Variants in ZMYND11 observed in about 807,000 individuals in gnomAD.
ZMYND11 encodes zinc finger MYND domain-containing protein 11.
A neutral mutation model predicts 84.9 loss-of-function variants in ZMYND11; 9 were observed. The ratio of observed to expected loss-of-function variants is 0.11; its 90% CI spans 0.06 to 0.18. The LOEUF is 0.18. ZMYND11 is among the 10% of genes least tolerant of loss of function. The pLI is 1.00. For missense variants in ZMYND11, 409 were observed against 761.0 expected (o/e 0.54, Z 5.44); for synonymous variants, 250 against 244.1 (o/e 1.02, Z -0.23).
rs576236468 is a variant in ZMYND11 at position 204,606 on chromosome 10, T to TA, written c.117-5282dup. Among the ~76,000 whole-genome samples the TA allele has an allele frequency of 2.6e-3, 393 of 152,286 alleles. 3 individuals carry two copies. The highest frequency in any genetic ancestry group is 9.0e-3 in the African/African-American group (376 of 41,582). Reference sequence around the variant, plus strand: ...TAACTAGTCCAGTTATGTTGGTTATTACCTTTGCAGAGTGTTAAGGAAAAG... The same window carrying TA: ...TAACTAGTCCAGTTATGTTGGTTATTAACCTTTGCAGAGTGTTAAGGAAAAG... On this transcript the variant is annotated intron_variant, in intron 2 of 14. Coordinates refer to ENST00000381604, the MANE Select transcript of ZMYND11 (RefSeq NM_001370100.5).
intron 1 of ZMYND11, among the ~76,000 whole-genome samples, chr10:157,085 C>T (rs565746130): frequency 3.2e-4 from 49 of 152,254 alleles, no homozygotes; most frequent in African/African-American, 1.0e-3. Context: ...TGATGCCTAG[C>T]ACTTGGCAAT....
At chr10:205,498 A>T (rs1372573188) in intron 2 of ZMYND11, among the ~76,000 whole-genome samples, 1 of 151,732 alleles carries the variant, frequency 6.6e-6, no homozygotes, top group South Asian at 2.1e-4. Flanking sequence ...GAGACCAGCC[A>T]GGGCAACATA....
chr10:207,391 C>G (rs917489654), intron 2 of ZMYND11, among the ~76,000 whole-genome samples: 1 of 152,144 alleles, frequency 6.6e-6, no homozygotes, highest in African/African-American at 2.4e-5. Flanking sequence ...ATTTCTAGTT[C>G]TAGATCCCTG....
At chr10:197,600 T>G (rs754351222) in intron 2 of ZMYND11, among the ~76,000 whole-genome samples, 2 of 152,200 alleles carry the variant, frequency 1.3e-5, no homozygotes, top group Non-Finnish European at 2.9e-5. Context: ...CCTCAACATT[T>G]TAGTAATGTC....
intron 3 of ZMYND11, among the ~76,000 whole-genome samples, chr10:220,137 A>G (rs1412434264): frequency 6.6e-6 from 1 of 152,172 alleles, no homozygotes; most frequent in Non-Finnish European, 1.5e-5. Context: ...CTGACATCAG[A>G]GAAAACAGTA....
At chr10:185,857 A>AT (rs1938244345) in intron 2 of ZMYND11, among the ~76,000 whole-genome samples, 1 of 151,740 alleles carries the variant, frequency 6.6e-6, no homozygotes, top group South Asian at 2.1e-4. Context: ...GACGGTTGCT[A>AT]AAGGCACAGG....
intron 2 of ZMYND11, among the ~76,000 whole-genome samples, chr10:184,888 A>G (rs778554887): frequency 5.0e-5 from 7 of 141,328 alleles, no homozygotes; most frequent in East Asian, 2.3e-4. Flanking sequence ...GTTTTTCTCC[A>G]TCTTTTCCCC....
intron 14 of ZMYND11, chr10:249,484 G>T (rs1952888719): frequency 1.0e-6 from 1 of 984,750 alleles, no homozygotes; most frequent in Non-Finnish European, 1.2e-6. Flanking sequence ...AATAGTTTCA[G>T]ATTTCCCTGC....
At chr10:192,421 T>C (rs1401105093) in intron 2 of ZMYND11, among the ~76,000 whole-genome samples, 2 of 152,242 alleles carry the variant, frequency 1.3e-5, no homozygotes, top group Non-Finnish European at 2.9e-5. Context: ...AGTTTTTCAT[T>C]GTGCTCCATA....
chr10:210,959 T>G (rs556379931), intron 3 of ZMYND11, among the ~76,000 whole-genome samples: 1 of 151,920 alleles, frequency 6.6e-6, no homozygotes, highest in South Asian at 2.1e-4. Context: ...GCCCAGGAGT[T>G]CAACACTAGC....
At chr10:195,665 T>G (rs1472558730) in intron 2 of ZMYND11, among the ~76,000 whole-genome samples, 1 of 152,130 alleles carries the variant, frequency 6.6e-6, no homozygotes, top group Non-Finnish European at 1.5e-5. Flanking sequence ...TAGGGGCCAA[T>G]AGCGTGAAGA....
chr10:229,857 T>C (rs897491077), intron 4 of ZMYND11, among the ~76,000 whole-genome samples: 2 of 152,192 alleles, frequency 1.3e-5, no homozygotes, highest in African/African-American at 4.8e-5. Flanking sequence ...GTAATTCCTT[T>C]ATATTCCATT....
chr10:148,733 ACAGGGTGCTCAC>A (rs1247207577), intron 1 of ZMYND11: 1 of 152,258 alleles, frequency 6.6e-6, no homozygotes, highest in Non-Finnish European at 1.5e-5. Flanking sequence ...CTGACTGTTG[ACAGGGTGCTCAC>A]CAGGGCCCCA....
At chr10:209,374 C>T (rs1487432359) in intron 2 of ZMYND11, among the ~76,000 whole-genome samples, 3 of 152,270 alleles carry the variant, frequency 2.0e-5, no homozygotes, top group Non-Finnish European at 4.4e-5. Context: ...TCACAACATG[C>T]GTCCATGCTT....
chr10:201,716 G>A (rs149884000), intron 2 of ZMYND11, among the ~76,000 whole-genome samples: 1,572 of 152,012 alleles, frequency 0.01, 25 homozygotes, highest in Non-Finnish European at 0.017. Flanking sequence ...ATGGAAGCTC[G>A]CACCCTGGGA....
At chr10:206,535 CTCTG>C (rs1283004095) in intron 2 of ZMYND11, among the ~76,000 whole-genome samples, 2 of 152,058 alleles carry the variant, frequency 1.3e-5, no homozygotes, top group East Asian at 3.9e-4. Flanking sequence ...TATAACTATG[CTCTG>C]TCTTTTTTAA....
At chr10:171,552 A>G (rs117759552) in intron 1 of ZMYND11, among the ~76,000 whole-genome samples, 2,324 of 152,310 alleles carry the variant, frequency 0.015, 33 homozygotes, top group Non-Finnish European at 0.024. Context: ...ACACTTCTGA[A>G]TAACAGGGCT....
intron 1 of ZMYND11, among the ~76,000 whole-genome samples, chr10:143,398 A>C (rs113057349): frequency 8.3e-4 from 127 of 152,200 alleles, no homozygotes; most frequent in African/African-American, 2.9e-3. Flanking sequence ...TTGTTTTTCT[A>C]TCTCGAAAGT....
intron 1 of ZMYND11, among the ~76,000 whole-genome samples, chr10:139,692 TTACACATGG>T (rs1441410120): frequency 1.3e-5 from 2 of 150,886 alleles, no homozygotes; most frequent in Non-Finnish European, 2.9e-5. Flanking sequence ...CAACTTAAAC[TTACACATGG>T]TCCTTTTTTT....
Sources: allele counts gnomAD v4.1 joint callset (sites outside exome capture counted in the v4.1 genomes callset), GRCh38; gene constraint gnomAD v4.1.1; transcripts MANE v1.5; gene names NCBI Gene and HGNC (gene_info 2026-07-23, HGNC 2026-07-21).